The following TRIM66 variants were observed in gnomAD, a reference collection of about 807,000 sequenced individuals.
TRIM66 encodes the protein tripartite motif-containing protein 66.
Under a neutral mutation model 148.2 loss-of-function variants are expected in TRIM66, and 99 were observed. The observed-to-expected ratio is 0.67, with a 90% CI of 0.57 to 0.79. TRIM66 has a LOEUF of 0.79. TRIM66 is among the 30% of genes least tolerant of loss of function. The pLI is 0.00. For missense variants in TRIM66, 1,666 were observed against 1,697.9 expected, an observed-to-expected ratio of 0.98 and a Z score of 0.33; for synonymous variants, 616 against 635.9, an observed-to-expected ratio of 0.97 and a Z score of 0.47.
intron 18 of TRIM66, 49 bp from the exon 19 acceptor site, chr11:8,621,868 C>A: frequency 6.8e-7 from 1 of 1,469,606 alleles, no homozygotes; most frequent in Non-Finnish European, 9.0e-7. Flanking sequence ...CTCCTCTGGT[C>A]CCAACCTCTA....
intron 6 of TRIM66, among the ~76,000 whole-genome samples, chr11:8,660,108 G>A (rs907630799): frequency 6.6e-6 from 1 of 152,124 alleles, no homozygotes; most frequent in African/African-American, 2.4e-5. Flanking sequence ...TTGAACTCCT[G>A]ACCTCAGGAT....
chr11:8,667,407 T>A (rs2038669162), intron 6 of TRIM66, among the ~76,000 whole-genome samples: 1 of 152,158 alleles, frequency 6.6e-6, no homozygotes, highest in Non-Finnish European at 1.5e-5. Context: ...ATCAACAGAA[T>A]GAAAAAGCAA....
chr11:8,647,355 C>A (rs546761405), intron 10 of TRIM66, among the ~76,000 whole-genome samples: 1 of 152,326 alleles, frequency 6.6e-6, no homozygotes, highest in South Asian at 2.1e-4. Context: ...AGCACAGTCA[C>A]TGGCTAGTTG....
intron 24 of TRIM66, 152 bp downstream of exon 24, chr11:8,618,598 C>A: frequency 1.4e-6 from 1 of 709,950 alleles, no homozygotes; most frequent in South Asian, 1.8e-5. Context: ...ACTGCCCTGC[C>A]TTCCCTGGGG....
intron 3 of TRIM66, among the ~76,000 whole-genome samples, chr11:8,676,461 C>G (rs895831434): frequency 6.6e-6 from 1 of 152,190 alleles, no homozygotes; most frequent in Non-Finnish European, 1.5e-5. Context: ...ATAAGGTCTA[C>G]AGACCACACT....
At chr11:8,639,636 T>C (rs2036194619) in intron 14 of TRIM66, among the ~76,000 whole-genome samples, 1 of 152,226 alleles carries the variant, frequency 6.6e-6, no homozygotes, top group African/African-American at 2.4e-5. Flanking sequence ...CCCACTTATA[T>C]ACCTATAAAG....
In TRIM66 at chr11:8,646,514, T is replaced by A; in HGVS notation, c.890A>T (p.Lys297Ile). 6.4e-7 allele frequency: 1 copy of A among 1,552,140 alleles called. No homozygotes were observed. The highest frequency in any genetic ancestry group is 2.0e-5 in the Admixed American group (1 of 51,004). Residue 297 changes from lysine to isoleucine, a missense_variant, in exon 11 of 25, where the codon AAA (lysine) becomes ATA (isoleucine). This residue lies in a region of TRIM66 where 1,431 missense variants were observed against 1,412.4 expected (regional missense o/e 1.01). Coordinates refer to ENST00000646038, the MANE Select transcript of TRIM66 (RefSeq NM_001388022.1). ...ATTCATCAGAACCATCTTGGCCATT[T>A]TGATCTGGTTTTCCACCTTCCTATG... ...HQHRKVENQI[K>I]MAKMVLMNEL...
At chr11:8,663,359 G>A (rs2038387598) in intron 6 of TRIM66, 1 of 152,144 alleles carries the variant, frequency 6.6e-6, no homozygotes, top group East Asian at 1.9e-4. Flanking sequence ...ACAGTGGATA[G>A]TACCAAACCC....
chr11:8,645,000 C>T (rs1207548749), intron 12 of TRIM66, among the ~76,000 whole-genome samples: 1 of 152,194 alleles, frequency 6.6e-6, no homozygotes, highest in Non-Finnish European at 1.5e-5. Flanking sequence ...CACCTCTGAC[C>T]ACTGCTTCTC....
In TRIM66 at chr11:8,647,961, C is replaced by T. The variant is rs76220304; in HGVS notation, c.842+9G>A. ...TTTCCAGCACTGGCAAGGCACTAGC[C>T]TGTGCTACCTGTCCTCAATTTGCTT... On this transcript the variant is annotated intron_variant, in intron 10 of 24. Transcript: ENST00000646038. 1 of 1,548,838 alleles carries T rather than the reference C, an allele frequency of 6.5e-7. No individual in the cohort carries two copies. The highest frequency in any genetic ancestry group is 8.7e-7 in the Non-Finnish European group (1 of 1,144,236).
chr11:8,678,647 A>G lies in TRIM66; in HGVS notation c.-190+973T>C, dbSNP rs543917104. Among the ~76,000 whole-genome samples, 21 of 152,350 alleles carry G rather than the reference A, an allele frequency of 1.4e-4. No homozygotes were observed. The East Asian group carries it at 3.9e-3, about 28-fold the overall frequency. ...TTTCTCTAATTCTCACTTGGAAAAA[A>G]AGCAGAAACACTGCTTCTTCCCATC... On this transcript the variant is annotated intron_variant, in intron 3 of 24. Transcript: ENST00000646038.
chr11:8,658,924 TCA>T (rs2038059378), intron 6 of TRIM66: 1 of 460,574 alleles, frequency 2.2e-6, no homozygotes, highest in Non-Finnish European at 2.8e-6. Flanking sequence ...CAATTGTCCG[TCA>T]CAAGCAGAGG....
chr11:8,649,680 T>A (rs1231305494), intron 8 of TRIM66, 60 bp downstream of exon 8: 7 of 1,529,914 alleles, frequency 4.6e-6, no homozygotes, highest in Non-Finnish European at 6.2e-6. Context: ...TCTCCAGGGA[T>A]CTTAGGGTTC....
intron 23 of TRIM66, 35 bp downstream of exon 23, chr11:8,619,348 G>C (rs2033977640): frequency 1.4e-6 from 2 of 1,467,614 alleles, no homozygotes; most frequent in Non-Finnish European, 1.8e-6. Flanking sequence ...GGGGATGCAG[G>C]GAAATAGGAG....
intron 14 of TRIM66, among the ~76,000 whole-genome samples, chr11:8,639,597 T>C (rs559725313): frequency 5.9e-5 from 9 of 152,372 alleles, no homozygotes; most frequent in Non-Finnish European, 7.3e-5. Context: ...TTGTATGATA[T>C]GGAGACAAAC....
intron 1 of TRIM66, chr11:8,680,677 G>A (rs1027009627): frequency 6.6e-6 from 1 of 152,230 alleles, no homozygotes; most frequent in African/African-American, 2.4e-5. Context: ...AATGTCCAAG[G>A]AATACTAACC....
At position 8,619,528 on chromosome 11, in the gene TRIM66, T is replaced by C; in HGVS notation, c.3755A>G (p.His1252Arg). ...GGGCCTCTTGATAATCTGGTAATAA[T>C]GCCGGGCCTTGGGGGAGGAGACATG... ...FHEPVSPLAR[H>R]YYQIIKRPMD... Residue 1252 changes from histidine to arginine, a missense_variant, in exon 23 of 25, where the codon CAT becomes CGT. By Grantham distance (29) the His-to-Arg change is conservative. Coordinates refer to ENST00000646038, the MANE Select transcript of TRIM66 (RefSeq NM_001388022.1). The C allele has an allele frequency of 1.3e-6, 2 of 1,539,938 alleles. No individual in the cohort carries two copies. The highest frequency in any genetic ancestry group is 1.8e-6 in the Non-Finnish European group (2 of 1,142,558).
chr11:8,645,605 T>G, intron 12 of TRIM66, 136 bp downstream of exon 12: 1 of 1,000,700 alleles, frequency 1.0e-6, no homozygotes, highest in Non-Finnish European at 1.4e-6. Flanking sequence ...GAAGGATGGA[T>G]GGAGCTGCTA....
Position 8,625,070 on chromosome 11 carries a change from G to C in TRIM66, c.2469C>G (p.Pro823=). The stretch of plus-strand genomic sequence containing the variant: ...CACTTGTCAGGCTGGACACCATTTT[G>C]GGGGGAGCACTCAGCAGGCTTGGTA... ...QAVPSLLSAP[P]KMVSSLTSVQ... is the part of the protein sequence containing the mutation. Residue 823 remains proline, a synonymous_variant, in exon 16 of 25, where the codon CCC becomes CCG. Coordinates refer to ENST00000646038, the MANE Select transcript of TRIM66 (RefSeq NM_001388022.1). 6.4e-7 allele frequency: 1 copy of C among 1,551,732 alleles called. No homozygotes were observed. The highest frequency in any genetic ancestry group is 8.7e-7 in the Non-Finnish European group (1 of 1,147,014).
Sources: gnomAD v4.1 joint callset for allele counts (sites outside exome capture counted in the v4.1 genomes callset) on GRCh38, gnomAD v4.1.1 for gene constraint, gnomAD v4.1.1 regional missense constraint, MANE v1.5 for transcripts, NCBI Gene and HGNC (gene_info 2026-07-23, HGNC 2026-07-21) for gene names.